MAP3K4: variants seen among roughly 807,000 people sequenced by gnomAD.
MAP3K4 encodes the protein mitogen-activated protein kinase kinase kinase 4.
MAP3K4 carries 67 observed loss-of-function variants against 185.6 expected under a neutral mutation model. The observed-to-expected ratio is 0.36, with a 90% CI of 0.30 to 0.44. MAP3K4 has a LOEUF of 0.44. Among genes scored for constraint, MAP3K4 ranks in the 20% least tolerant of loss-of-function variants. The pLI, the probability that MAP3K4 is intolerant of heterozygous loss-of-function variation, is 1.00. For missense variants in MAP3K4, 1,551 were observed against 1,995.1 expected, an observed-to-expected ratio of 0.78 and a Z score of 4.24; for synonymous variants, 702 against 710.4, an observed-to-expected ratio of 0.99 and a Z score of 0.19.
In MAP3K4 at chr6:161,108,299, T is replaced by A. The variant is rs1425507364; in HGVS notation, c.4119+330T>A. On this transcript the variant is annotated intron_variant, in intron 21 of 26. Coordinates refer to ENST00000392142, the MANE Select transcript of MAP3K4 (RefSeq NM_005922.4). The surrounding 1 kb of genome is among the most constrained non-coding windows in gnomAD (Gnocchi z 5.7). ...TATGGGGACACATTGGGGGAGAAGA[T>A]AACATTTATGATAAGCTTCAGAAAC... is the stretch of plus-strand genomic sequence containing the variant. 6.6e-6 allele frequency among the ~76,000 whole-genome samples: 1 copy of A among 152,146 alleles called. No individual in the cohort carries two copies. The highest frequency in any genetic ancestry group is 2.4e-5 in the African/African-American group (1 of 41,426).
chr6:161,065,590 T>C (rs773547871), intron 3 of MAP3K4, among the ~76,000 whole-genome samples: 1 of 152,220 alleles, frequency 6.6e-6, no homozygotes, highest in Non-Finnish European at 1.5e-5. Flanking sequence ...GAAAATCCCT[T>C]ATCCGATATG....
rs946336439 is a variant in MAP3K4, at chr6:161,091,615, T to C, written c.3135+75T>C. 1 of 1,297,912 alleles carries C rather than the reference T, an allele frequency of 7.7e-7. No homozygotes were observed. Among genetic ancestry groups the C allele is most frequent in the African/African-American group, 1.5e-5 (1 of 67,468 alleles). The allele number at this position is 1,297,912 out of a possible 1,614,324, so 80.4% of individuals were successfully genotyped here. A position where few individuals can be genotyped will look rare whatever the true frequency, so the allele number is the denominator to read the frequency against. ...AACTTACAGAAAGTTTTTGGAACCTTTTACAGTAAATCTGATATTGTAATC... is the reference window on the plus strand; with the variant it reads ...AACTTACAGAAAGTTTTTGGAACCTCTTACAGTAAATCTGATATTGTAATC... On this transcript the variant is annotated intron_variant, in intron 12 of 26. Coordinates refer to ENST00000392142, the MANE Select transcript of MAP3K4 (RefSeq NM_005922.4). This position sits in a 1 kb window ranked among gnomAD's most constrained non-coding sequence, Gnocchi z 5.5.
intron 1 of MAP3K4, among the ~76,000 whole-genome samples, chr6:161,031,647 A>G (rs781283283): frequency 7.9e-5 from 12 of 152,180 alleles, no homozygotes; most frequent in Non-Finnish European, 1.8e-4. Flanking sequence ...GCATTAATTC[A>G]TCATCCACAC....
chr6:161,108,037 G>A lies in MAP3K4; in HGVS notation c.4119+68G>A, dbSNP rs1049576883. On this transcript the variant is annotated intron_variant, in intron 21 of 26. Transcript: ENST00000392142. The surrounding 1 kb of genome is among the most constrained non-coding windows in gnomAD (Gnocchi z 5.7). ...TGGGTGATAGAAATTCCGTATAGAC[G>A]CTGGTCGTGATTCAGTTCTCTGTGC... 1.1e-5 allele frequency: 16 copies of A among 1,413,364 alleles called. No individual in the cohort carries two copies. The highest frequency in any genetic ancestry group is 9.0e-5 in the Admixed American group (5 of 55,860). 87.6% of individuals were successfully genotyped at this position (1,413,364 alleles called of 1,614,324 possible).
chr6:161,112,199 A>T lies in MAP3K4; in HGVS notation c.4519+241A>T, dbSNP rs1778383390. On this transcript the variant is annotated intron_variant, in intron 24 of 26. Transcript: ENST00000392142. The surrounding 1 kb of genome is among the most constrained non-coding windows in gnomAD (Gnocchi z 5.1). ...GAAAGCCTCTTTTTCTCACCAGAAC[A>T]ACTCTTTTGTTGTTTGCATTGTTTT... 7.3e-6 allele frequency among the ~76,000 whole-genome samples: 1 copy of T among 137,884 alleles called. No homozygotes were observed. The highest frequency in any genetic ancestry group is 1.6e-5 in the Non-Finnish European group (1 of 61,702). 90.5% of individuals were successfully genotyped at this position (137,884 alleles called of 152,430 possible). A position where few individuals can be genotyped will look rare whatever the true frequency, so the allele number is the denominator to read the frequency against.
In MAP3K4 at chr6:161,112,279, C is replaced by T. The variant is rs960496918; in HGVS notation, c.4519+321C>T. On this transcript the variant is annotated intron_variant, in intron 24 of 26. Transcript: ENST00000392142. This position sits in a 1 kb window ranked among gnomAD's most constrained non-coding sequence, Gnocchi z 5.1. ...TTGTGCTCTGTAATGTGGCTTACCCCGAATCACTCAGCATACACCAGTCTC... is the reference window on the plus strand; with the variant it reads ...TTGTGCTCTGTAATGTGGCTTACCCTGAATCACTCAGCATACACCAGTCTC... Among the ~76,000 whole-genome samples the T allele has an allele frequency of 6.6e-6, 1 of 152,036 alleles. No individual in the cohort carries two copies.
At chr6:161,044,737 A>T (rs959994294) in intron 2 of MAP3K4, among the ~76,000 whole-genome samples, 4 of 152,210 alleles carry the variant, frequency 2.6e-5, no homozygotes, top group African/African-American at 9.6e-5. Context: ...ATGCTATACA[A>T]GCGTGGCACC....
rs529869389 is a variant in MAP3K4 at position 161,097,025 on chromosome 6, T to C, written c.3428-55T>C. On this transcript the variant is annotated intron_variant, in intron 15 of 26. Transcript: ENST00000392142. This position sits in a 1 kb window ranked among gnomAD's most constrained non-coding sequence, Gnocchi z 4.9. ...TTTTCCATTTGACTGTTTGGTTTGA[T>C]GATTTTCTGTGGACCATATTAACAA... The C allele has an allele frequency of 8.4e-6, 12 of 1,435,484 alleles. No individual in the cohort carries two copies. The Admixed American group carries it at 1.7e-4, about 20-fold the overall frequency. The allele number at this position is 1,435,484 out of a possible 1,614,324, so 88.9% of individuals were successfully genotyped here. A position where few individuals can be genotyped will look rare whatever the true frequency, so the allele number is the denominator to read the frequency against.
At chr6:161,105,739 G>A (rs1000117777) in intron 19 of MAP3K4, among the ~76,000 whole-genome samples, 5 of 152,128 alleles carry the variant, frequency 3.3e-5, no homozygotes, top group Non-Finnish European at 5.9e-5. Flanking sequence ...TGGCTAGTGT[G>A]AAAACATAGA....
At chr6:161,066,667 A>G (rs1003816172) in intron 3 of MAP3K4, among the ~76,000 whole-genome samples, 3 of 152,128 alleles carry the variant, frequency 2.0e-5, no homozygotes, top group African/African-American at 7.2e-5. Flanking sequence ...TCTTAAGGAA[A>G]TTGCTGTTTC....
chr6:161,098,379 G>T lies in MAP3K4; in HGVS notation c.3626G>T (p.Gly1209Val). Reference sequence around the variant, plus strand: ...GCTGCCAGTCGGCCCAGCCCCTCTGGTGGTGACTCTGTGCTGCCCAAATCC... The same window carrying T: ...GCTGCCAGTCGGCCCAGCCCCTCTGTTGGTGACTCTGTGCTGCCCAAATCC... ...AVAASRPSPS[G>V]GDSVLPKSIS... Residue 1209 changes from glycine to valine, a missense_variant, in exon 17 of 27, where the codon GGT becomes GTT. Coordinates refer to ENST00000392142, the MANE Select transcript of MAP3K4 (RefSeq NM_005922.4). The surrounding 1 kb of genome is among the most constrained non-coding windows in gnomAD (Gnocchi z 4.4). The T allele has an allele frequency of 6.2e-7, 1 of 1,613,930 alleles. No homozygotes were observed. Among genetic ancestry groups the T allele is most frequent in the Non-Finnish European group, 8.5e-7 (1 of 1,180,030 alleles).
intron 25 of MAP3K4, among the ~76,000 whole-genome samples, chr6:161,113,778 G>T: frequency 1.4e-5 from 2 of 138,718 alleles, no homozygotes; most frequent in South Asian, 2.4e-4. Flanking sequence ...TTTTTACTTA[G>T]CATATGAGTG....
rs1309516868 is a variant in MAP3K4, at chr6:161,080,627, TTTG to T, written c.2098-248_2098-246del. 3 of 419,986 alleles carry T rather than the reference TTTG, an allele frequency of 7.1e-6. No individual in the cohort carries two copies. The highest frequency in any genetic ancestry group is 4.1e-5 in the African/African-American group (2 of 48,800). 26.0% of individuals were successfully genotyped at this position (419,986 alleles called of 1,614,324 possible). A position where few individuals can be genotyped will look rare whatever the true frequency, so the allele number is the denominator to read the frequency against. ...CCCTTTATTGTAGATTGTGAACATT[TTTG>T]TTGTTAGGATTTTGAAGGGGTTGTC... On this transcript the variant is annotated intron_variant, in intron 5 of 26. Coordinates refer to ENST00000392142, the MANE Select transcript of MAP3K4 (RefSeq NM_005922.4). This position sits in a 1 kb window ranked among gnomAD's most constrained non-coding sequence, Gnocchi z 4.8.
In MAP3K4 at chr6:161,084,694, C is replaced by A. The variant is rs111249443; in HGVS notation, c.2372+77C>A. 57 of 867,660 alleles carry A rather than the reference C, an allele frequency of 6.6e-5. No homozygotes were observed. The highest frequency in any genetic ancestry group is 5.3e-4 in the African/African-American group (32 of 60,536). 53.7% of individuals were successfully genotyped at this position (867,660 alleles called of 1,614,324 possible). A position where few individuals can be genotyped will look rare whatever the true frequency, so the allele number is the denominator to read the frequency against. ...CCTCATGGTGAGATCCTAGAAGGAG[C>A]CTTGTTCAAACCAAATTGTGTTGGC... is the stretch of plus-strand genomic sequence containing the variant. On this transcript the variant is annotated intron_variant, in intron 7 of 26. Transcript: ENST00000392142. This position sits in a 1 kb window ranked among gnomAD's most constrained non-coding sequence, Gnocchi z 4.6.
Position 161,080,854 on chromosome 6 carries a change from G to T in MAP3K4, c.2098-27G>T. 1 of 1,609,236 alleles carries T rather than the reference G, an allele frequency of 6.2e-7. No individual in the cohort carries two copies. The highest frequency in any genetic ancestry group is 8.5e-7 in the Non-Finnish European group (1 of 1,177,006). ...GAGTTGCCAAGTTCTACTTTCAAAT[G>T]TCTCCCTTTACTTTTTGTGTTTTAA... On this transcript the variant is annotated intron_variant, in intron 5 of 26. Coordinates refer to ENST00000392142, the MANE Select transcript of MAP3K4 (RefSeq NM_005922.4). The surrounding 1 kb of genome is among the most constrained non-coding windows in gnomAD (Gnocchi z 4.8).
At chr6:161,011,834 A>G (rs999339133) in intron 1 of MAP3K4, among the ~76,000 whole-genome samples, 7 of 152,178 alleles carry the variant, frequency 4.6e-5, no homozygotes, top group African/African-American at 1.7e-4. Context: ...GCTGCAGTCC[A>G]CCCTACCCAT....
At chr6:161,041,966 C>A (rs1583155915) in intron 2 of MAP3K4, among the ~76,000 whole-genome samples, 2 of 133,276 alleles carry the variant, frequency 1.5e-5, no homozygotes, top group South Asian at 2.5e-4. Flanking sequence ...CTATGTTGCC[C>A]AGACTGGCCC....
chr6:161,016,630 T>C (rs1197825341), intron 1 of MAP3K4, among the ~76,000 whole-genome samples: 1 of 152,238 alleles, frequency 6.6e-6, no homozygotes, highest in Non-Finnish European at 1.5e-5. Context: ...GGCACCCCAG[T>C]TGAAAATCCA....
chr6:161,052,133 A>G (rs7756170), intron 3 of MAP3K4, among the ~76,000 whole-genome samples: 1 of 152,178 alleles, frequency 6.6e-6, no homozygotes, highest in Non-Finnish European at 1.5e-5. Context: ...TGAGTTGGAC[A>G]TGTCGGGCTT....
Sources: allele counts gnomAD v4.1 joint callset (sites outside exome capture counted in the v4.1 genomes callset), GRCh38; gene constraint gnomAD v4.1.1; non-coding constraint Gnocchi (gnomAD v3.1); transcripts MANE v1.5; gene names NCBI Gene and HGNC (gene_info 2026-07-23, HGNC 2026-07-21).